Variants in STON2 observed in about 807,000 individuals in gnomAD.
STON2 encodes stonin 2, also known as stonin-2.
A neutral mutation model predicts 65.7 loss-of-function variants in STON2; 29 were observed. The ratio of observed to expected loss-of-function variants is 0.44; its 90% CI spans 0.33 to 0.60. The LOEUF is 0.60. Ranked by LOEUF, STON2 falls within the 20% of genes least tolerant of loss-of-function variation. STON2 has a pLI of 0.03. For missense variants in STON2, 1,054 were observed against 1,118.1 expected (o/e 0.94, Z 0.82); for synonymous variants, 404 against 414.2 (o/e 0.98, Z 0.30).
At chr14:81,345,531 G>A (rs1897777940) in intron 4 of STON2, among the ~76,000 whole-genome samples, 1 of 152,174 alleles carries the variant, frequency 6.6e-6, no homozygotes, top group South Asian at 2.1e-4. Flanking sequence ...GGAGCCTGAG[G>A]TAGAAGGATG....
In STON2 at chr14:81,261,729, T is replaced by C. The variant is rs941625627; in HGVS notation, c.*6685A>G. On this transcript the variant is annotated 3_prime_UTR_variant, in exon 8 of 8. Coordinates refer to ENST00000614646, the MANE Select transcript of STON2 (RefSeq NM_001394390.1). ...GGGTTAGACCTACTTCTGTGTCAGGTAGCACCCAAATCCTAACATCTATTT... is the reference window on the plus strand; with the variant it reads ...GGGTTAGACCTACTTCTGTGTCAGGCAGCACCCAAATCCTAACATCTATTT... 6.9e-7 allele frequency: 1 copy of C among 1,439,296 alleles called. No individual in the cohort carries two copies. The highest frequency in any genetic ancestry group is 9.1e-7 in the Non-Finnish European group (1 of 1,101,502). The allele number at this position is 1,439,296 out of a possible 1,614,324, so 89.2% of individuals were successfully genotyped here.
Position 81,268,079 on chromosome 14 carries a change from C to A in STON2, c.*335G>T. 1 of 1,000,756 alleles carries A rather than the reference C, an allele frequency of 1.0e-6. No individual in the cohort carries two copies. Among genetic ancestry groups the A allele is most frequent in the Non-Finnish European group, 1.2e-6 (1 of 839,550 alleles). The allele number at this position is 1,000,756 out of a possible 1,614,324, so 62.0% of individuals were successfully genotyped here. ...CTGATGTGGGAGGTTCTTTTCCTGA[C>A]TGTAACAGTCACAACAAACCACATA... On this transcript the variant is annotated 3_prime_UTR_variant, in exon 8 of 8. Transcript: ENST00000614646.
At chr14:81,418,690 A>C (rs1459483106) in intron 2 of STON2, among the ~76,000 whole-genome samples, 2 of 152,206 alleles carry the variant, frequency 1.3e-5, no homozygotes, top group Admixed American at 1.3e-4. Flanking sequence ...AGTTCCTGGG[A>C]TCTTTTCTGC....
Position 81,356,525 on chromosome 14 carries a change from A to T in STON2, c.571+14463T>A, listed in dbSNP as rs563935143. On this transcript the variant is annotated intron_variant, in intron 4 of 7. Coordinates refer to ENST00000614646, the MANE Select transcript of STON2 (RefSeq NM_001394390.1). Reference sequence around the variant, plus strand: ...TATCAGGAGGATGCTGGCCTCATAAAATGAGTTAGGGAGGATTCCCTCTTT... The same window carrying T: ...TATCAGGAGGATGCTGGCCTCATAATATGAGTTAGGGAGGATTCCCTCTTT... Among the ~76,000 whole-genome samples the T allele has an allele frequency of 3.9e-4, 59 of 152,174 alleles. 1 individual carries two copies. The highest frequency in any genetic ancestry group is 1.4e-3 in the African/African-American group (57 of 41,538).
chr14:81,290,967 T>G (rs966997546), intron 5 of STON2, among the ~76,000 whole-genome samples: 6 of 152,168 alleles, frequency 3.9e-5, no homozygotes, highest in Non-Finnish European at 7.3e-5. Context: ...CATAGCTCAA[T>G]AAATGTTAGC....
At chr14:81,331,691 T>C (rs553299804) in intron 4 of STON2, among the ~76,000 whole-genome samples, 2 of 152,304 alleles carry the variant, frequency 1.3e-5, no homozygotes, top group African/African-American at 4.8e-5. Flanking sequence ...AAAAGAGACC[T>C]ATGTTGAAGC....
intron 5 of STON2, among the ~76,000 whole-genome samples, chr14:81,279,560 A>G (rs111382561): frequency 1.3e-3 from 193 of 152,256 alleles, no homozygotes; most frequent in African/African-American, 4.5e-3. Context: ...GCGTAGTGGC[A>G]GGCACCTGTT....
intron 4 of STON2, among the ~76,000 whole-genome samples, chr14:81,340,295 G>C (rs1372585218): frequency 6.6e-6 from 1 of 152,166 alleles, no homozygotes; most frequent in Non-Finnish European, 1.5e-5. Context: ...TTAGGGGTGG[G>C]GTGGGGGACA....
intron 4 of STON2, among the ~76,000 whole-genome samples, chr14:81,359,586 G>A (rs192922165): frequency 2.6e-5 from 4 of 152,062 alleles, no homozygotes; most frequent in South Asian, 2.1e-4. Flanking sequence ...TCAATGAAAC[G>A]AAGAGTTGGT....
chr14:81,293,658 G>T (rs1053162772), intron 5 of STON2, among the ~76,000 whole-genome samples: 2 of 152,232 alleles, frequency 1.3e-5, no homozygotes, highest in Non-Finnish European at 2.9e-5. Flanking sequence ...GAGACTAGAA[G>T]AGTGCTTGTG....
intron 5 of STON2, chr14:81,306,852 AGCAAGCAAAGTCAGCTCTGCAGCT>A (rs1227679413): frequency 6.6e-6 from 1 of 152,258 alleles, no homozygotes; most frequent in East Asian, 1.9e-4. Flanking sequence ...TTAACAAATT[AGCAAGCAAAGTCAGCTCTGCAGCT>A]GTGCCCAAGC....
chr14:81,353,197 A>C (rs1212554303), intron 4 of STON2, among the ~76,000 whole-genome samples: 1 of 152,240 alleles, frequency 6.6e-6, no homozygotes, highest in Non-Finnish European at 1.5e-5. Flanking sequence ...ATAGTCTTAC[A>C]TTTGAAAACA....
In STON2 at chr14:81,268,085, C is replaced by A; in HGVS notation, c.*329G>T. ...TGGGAGGTTCTTTTCCTGACTGTAA[C>A]AGTCACAACAAACCACATACCAGTG... On this transcript the variant is annotated 3_prime_UTR_variant, in exon 8 of 8. Coordinates refer to ENST00000614646, the MANE Select transcript of STON2 (RefSeq NM_001394390.1). 1 of 1,002,406 alleles carries A rather than the reference C, an allele frequency of 1.0e-6. No individual in the cohort carries two copies. The highest frequency in any genetic ancestry group is 1.2e-6 in the Non-Finnish European group (1 of 840,576). 62.1% of individuals were successfully genotyped at this position (1,002,406 alleles called of 1,614,324 possible). A position where few individuals can be genotyped will look rare whatever the true frequency, so the allele number is the denominator to read the frequency against.
intron 2 of STON2, among the ~76,000 whole-genome samples, chr14:81,420,825 C>T (rs1369932057): frequency 2.0e-5 from 3 of 152,156 alleles, no homozygotes; most frequent in East Asian, 1.9e-4. Context: ...TAACCACTCA[C>T]GTTAACATGC....
In STON2 at chr14:81,262,269, C is replaced by A; in HGVS notation, c.*6145G>T. Reference sequence around the variant, plus strand: ...AACCCCAATTTCCCCTTAATAAATCCATTATGGCATGCCTATGAGTGACTT... The same window carrying A: ...AACCCCAATTTCCCCTTAATAAATCAATTATGGCATGCCTATGAGTGACTT... On this transcript the variant is annotated 3_prime_UTR_variant, in exon 8 of 8. Coordinates refer to ENST00000614646, the MANE Select transcript of STON2 (RefSeq NM_001394390.1). The A allele has an allele frequency of 1.0e-6, 1 of 985,452 alleles. No individual in the cohort carries two copies. The allele number at this position is 985,452 out of a possible 1,614,324, so 61.0% of individuals were successfully genotyped here.
chr14:81,293,809 G>A (rs1895656977), intron 5 of STON2, among the ~76,000 whole-genome samples: 1 of 152,100 alleles, frequency 6.6e-6, no homozygotes, highest in South Asian at 2.1e-4. Flanking sequence ...ACCCATGAGT[G>A]GGCTGCTGAG....
At chr14:81,392,444 C>CCT (rs1900124246) in intron 3 of STON2, among the ~76,000 whole-genome samples, 1 of 152,150 alleles carries the variant, frequency 6.6e-6, no homozygotes, top group South Asian at 2.1e-4. Context: ...ACCCTTCAAA[C>CCT]CATCTGTGAG....
chr14:81,398,261 T>G (rs1269698306), intron 2 of STON2, 34 bp downstream of exon 2: 5 of 1,464,808 alleles, frequency 3.4e-6, no homozygotes, highest in Admixed American at 3.5e-5. Context: ...TCTTTGACAA[T>G]CTCTTCACTT....
intron 1 of STON2, among the ~76,000 whole-genome samples, chr14:81,430,368 G>GC (rs1474804233): frequency 2.0e-5 from 3 of 152,182 alleles, no homozygotes; most frequent in Non-Finnish European, 2.9e-5. Flanking sequence ...TCTCCTCAAA[G>GC]CCTTGCACTC....
Sources: gnomAD v4.1 joint callset for allele counts (sites outside exome capture counted in the v4.1 genomes callset) on GRCh38, gnomAD v4.1.1 for gene constraint, MANE v1.5 for transcripts, NCBI Gene and HGNC (gene_info 2026-07-23, HGNC 2026-07-21) for gene names.